KLHDC3: variants seen among roughly 807,000 people sequenced by gnomAD.
KLHDC3 encodes the protein kelch domain containing 3.
Under a neutral mutation model 44.1 loss-of-function variants are expected in KLHDC3, and 5 were observed. That is an observed-to-expected ratio of 0.11 (90% confidence interval 0.06 to 0.24). The LOEUF (loss-of-function observed/expected upper bound fraction) is 0.24. Among genes scored for constraint, KLHDC3 ranks in the 10% least tolerant of loss-of-function variants. The probability of loss-of-function intolerance (pLI) is 1.00; values close to 1 mark genes in which losing one functional copy is unlikely to be tolerated. For synonymous variants in KLHDC3, 170 were observed against 189.0 expected (o/e 0.90, Z 0.82); for missense variants, 247 against 514.3 (o/e 0.48, Z 5.03).
chr6:43,019,352 G>A lies in KLHDC3; in HGVS notation c.1068G>A (p.Leu356=), dbSNP rs374842978. The change falls in exon 10 of 11, where the codon TTG becomes TTA. Residue 356 remains leucine, a synonymous_variant. Transcript: ENST00000326974. ...VIQYNLDQSC[L]PHDIRWELNA... Reference sequence around the variant, plus strand: ...AGTATAACCTAGACCAGTCCTGTTTGCCTCATGATATCAGGTACAGCGAGT... The same window carrying A: ...AGTATAACCTAGACCAGTCCTGTTTACCTCATGATATCAGGTACAGCGAGT... 12 of 1,612,588 alleles carry A rather than the reference G, an allele frequency of 7.4e-6. No homozygotes were observed. The African/African-American group carries it at 1.5e-4, about 20-fold the overall frequency.
In KLHDC3 at chr6:43,018,306, G is replaced by C. The variant is rs896231505; in HGVS notation, c.520-37G>C. 1.3e-6 allele frequency: 2 copies of C among 1,597,278 alleles called. No homozygotes were observed. The highest frequency in any genetic ancestry group is 2.2e-5 in the East Asian group (1 of 44,780). On this transcript the variant is annotated intron_variant, in intron 5 of 10. Transcript: ENST00000326974. The surrounding 1 kb of genome is among the most constrained non-coding windows in gnomAD (Gnocchi z 6.0). ...CAGAGGAGATCCTCTTCCAGTCTTT[G>C]TGCTGACCCCTCCACCATCTCTCTG...
Position 43,019,170 on chromosome 6 carries a change from G to A in KLHDC3, c.1003+5G>A. 1 of 1,602,650 alleles carries A rather than the reference G, an allele frequency of 6.2e-7. No individual in the cohort carries two copies. Among genetic ancestry groups the A allele is most frequent in the Non-Finnish European group, 8.6e-7 (1 of 1,169,528 alleles). On this transcript the variant is annotated splice_donor_5th_base_variant and intron_variant, in intron 9 of 10. Coordinates refer to ENST00000326974, the MANE Select transcript of KLHDC3 (RefSeq NM_057161.4). The stretch of plus-strand genomic sequence containing the variant: ...ACTTACACATTTTGGACTTTAGTAA[G>A]TATAGTTATTCCTGAATTGCTCCTG...
intron 1 of KLHDC3, chr6:43,016,718 A>AGATCC (rs1216806721): frequency 6.1e-6 from 1 of 163,486 alleles, no homozygotes; most frequent in Non-Finnish European, 1.3e-5. Context: ...GAGTATTTTG[A>AGATCC]GATCCCTTTC....
chr6:43,016,957 CG>C, intron 1 of KLHDC3, 176 bp from the exon 2 acceptor site: 1 of 560,150 alleles, frequency 1.8e-6, no homozygotes, highest in Non-Finnish European at 3.2e-6. Flanking sequence ...TCCCTGACCT[CG>C]GCAGCTCCCT....
rs1423731507 is a variant in KLHDC3, at chr6:43,018,486, C to T, written c.663C>T (p.Thr221=). The change falls in exon 6 of 11, where the codon ACC becomes ACT. Residue 221 remains threonine (T), a synonymous_variant. Transcript: ENST00000326974. This position sits in a 1 kb window ranked among gnomAD's most constrained non-coding sequence, Gnocchi z 6.0. ...IYCNRIRVFD[T]RTEAWLDCPP... is the part of the protein sequence containing the mutation. The stretch of plus-strand genomic sequence containing the variant: ...GCAACCGCATTCGAGTCTTTGACAC[C>T]AGAACTGAGGCTTGGCTGGACTGTC... 1.2e-6 allele frequency: 2 copies of T among 1,614,160 alleles called. No homozygotes were observed. Among genetic ancestry groups the T allele is most frequent in the Admixed American group, 3.3e-5 (2 of 60,022 alleles).
Position 43,021,078 on chromosome 6 carries a change from A to G in KLHDC3, c.*345A>G, listed in dbSNP as rs775709867. 11 of 495,050 alleles carry G rather than the reference A, an allele frequency of 2.2e-5. No individual in the cohort carries two copies. The highest frequency in any genetic ancestry group is 6.2e-5 in the South Asian group (4 of 64,944). 30.7% of individuals were successfully genotyped at this position (495,050 alleles called of 1,614,324 possible). On this transcript the variant is annotated 3_prime_UTR_variant, in exon 11 of 11. Coordinates refer to ENST00000326974, the MANE Select transcript of KLHDC3 (RefSeq NM_057161.4). ...AAGCAAGCAGTGTCTGAGCCTCAGG[A>G]GCTTCCCCCTCCCCCTTTGCCTATC...
At chr6:43,014,614 A>C in intron 1 of KLHDC3, 1 of 457,196 alleles carries the variant, frequency 2.2e-6, no homozygotes, top group Non-Finnish European at 4.4e-6. Context: ...GAAGCTGAGC[A>C]TAATGGAAGG....
At position 43,017,674 on chromosome 6, in the gene KLHDC3, G is replaced by A; in HGVS notation, c.310G>A (p.Val104Met). ...GRNDTEGACN[V>M]LYAFDVNTHK... ...GAATGACACCGAAGGGGCCTGCAAT[G>A]TGCTCTATGCCTTTGACGTCAGTGA... Residue 104 changes from valine to methionine, a missense_variant, in exon 3 of 11, where the codon GTG (valine) becomes ATG (methionine). Val to Met is a conservative substitution (Grantham distance 21). Coordinates refer to ENST00000326974, the MANE Select transcript of KLHDC3 (RefSeq NM_057161.4). The surrounding 1 kb of genome is among the most constrained non-coding windows in gnomAD (Gnocchi z 6.0). 6.2e-7 allele frequency: 1 copy of A among 1,613,128 alleles called. No individual in the cohort carries two copies. The highest frequency in any genetic ancestry group is 1.1e-5 in the South Asian group (1 of 90,934).
intron 1 of KLHDC3, among the ~76,000 whole-genome samples, chr6:43,016,192 C>T (rs915209776): frequency 6.6e-6 from 1 of 152,124 alleles, no homozygotes; most frequent in African/African-American, 2.4e-5. Flanking sequence ...CTCGGCCTCT[C>T]AGGGTGCTGG....
In KLHDC3 at chr6:43,014,967, G is replaced by T. The variant is rs78425469; in HGVS notation, c.-60+619G>T. On this transcript the variant is annotated intron_variant, in intron 1 of 10. Coordinates refer to ENST00000326974, the MANE Select transcript of KLHDC3 (RefSeq NM_057161.4). ...CCAGGGATAAGAGGAGCCCCTGAGC[G>T]CCTGGGGGCTTGTTCTCCTTGAATT... is the stretch of plus-strand genomic sequence containing the variant. Among the ~76,000 whole-genome samples the T allele has an allele frequency of 7.5e-3, 1,146 of 152,298 alleles. 16 individuals carry two copies. Among genetic ancestry groups the T allele is most frequent in the African/African-American group, 0.026 (1,095 of 41,548 alleles).
Position 43,017,681 on chromosome 6 carries a change from A to G in KLHDC3, c.317A>G (p.Tyr106Cys). The G allele has an allele frequency of 6.2e-7, 1 of 1,612,354 alleles. No homozygotes were observed. Residue 106 changes from tyrosine to cysteine, a missense_variant, in exon 3 of 11, where the codon TAT becomes TGT. This residue lies in a region of KLHDC3 where 176 missense variants were observed against 413.5 expected (regional missense o/e 0.43). Transcript: ENST00000326974. This position sits in a 1 kb window ranked among gnomAD's most constrained non-coding sequence, Gnocchi z 6.0. ...ACCGAAGGGGCCTGCAATGTGCTCT[A>G]TGCCTTTGACGTCAGTGAGTATGGA... Reference protein sequence around the residue: ...NDTEGACNVLYAFDVNTHKWF... With the variant: ...NDTEGACNVLCAFDVNTHKWF...
At chr6:43,014,853 T>TA (rs2150289406) in intron 1 of KLHDC3, among the ~76,000 whole-genome samples, 1 of 151,842 alleles carries the variant, frequency 6.6e-6, no homozygotes, top group African/African-American at 2.4e-5. Context: ...AAATGGGGAA[T>TA]AAAAAATGCA....
rs780930534 is a variant in KLHDC3 at position 43,019,320 on chromosome 6, G to T, written c.1036G>T (p.Val346Leu). The change falls in exon 10 of 11, where the codon GTG becomes TTG. Residue 346 changes from valine to leucine, a missense_variant. This residue lies in a region of KLHDC3 where 176 missense variants were observed against 413.5 expected (regional missense o/e 0.43). Transcript: ENST00000326974. ...PSLKTLCKLAVIQYNLDQSCL... is the reference protein window; with the variant it reads ...PSLKTLCKLALIQYNLDQSCL... Reference sequence around the variant, plus strand: ...TCTGAAGACTCTGTGCAAACTGGCCGTGATTCAGTATAACCTAGACCAGTC... The same window carrying T: ...TCTGAAGACTCTGTGCAAACTGGCCTTGATTCAGTATAACCTAGACCAGTC... 1.2e-6 allele frequency: 2 copies of T among 1,613,862 alleles called. No individual in the cohort carries two copies. The highest frequency in any genetic ancestry group is 1.7e-6 in the Non-Finnish European group (2 of 1,179,788).
rs1394457585 is a variant in KLHDC3, at chr6:43,018,356, G to A, written c.533G>A (p.Arg178His). ...GCCTCTGCCCAGGGCAGCCCTGCAC[G>A]CTGGAGGGACTTCCACTCAGCCACA... is the stretch of plus-strand genomic sequence containing the variant. ...TLICTKGSPA[R>H]WRDFHSATML... Residue 178 changes from arginine (R) to histidine (H), a missense_variant, in exon 6 of 11, where the codon CGC becomes CAC. Arg to His is a conservative substitution (Grantham distance 29). Transcript: ENST00000326974. The surrounding 1 kb of genome is among the most constrained non-coding windows in gnomAD (Gnocchi z 6.0). 1 of 1,613,460 alleles carries A rather than the reference G, an allele frequency of 6.2e-7. No homozygotes were observed. The highest frequency in any genetic ancestry group is 1.3e-5 in the African/African-American group (1 of 74,906).
In KLHDC3 at chr6:43,018,946, A is replaced by G. The variant is rs138283385; in HGVS notation, c.904A>G (p.Lys302Glu). ...CCAGTGCTGCTGTATTGTTGGTGAC[A>G]AGATTGTCCTCTTTGGGGGTACCAG... is the stretch of plus-strand genomic sequence containing the variant. ...RRQCCCIVGD[K>E]IVLFGGTSPS... The change falls in exon 8 of 11, where the codon AAG (lysine) becomes GAG (glutamate). Residue 302 changes from lysine to glutamate, a missense_variant. Physicochemically the swap from Lys to Glu is moderately conservative, Grantham distance 56. Transcript: ENST00000326974. The surrounding 1 kb of genome is among the most constrained non-coding windows in gnomAD (Gnocchi z 6.0). 6.2e-7 allele frequency: 1 copy of G among 1,612,082 alleles called. No homozygotes were observed. Among genetic ancestry groups the G allele is most frequent in the South Asian group, 1.1e-5 (1 of 90,946 alleles).
Position 43,014,257 on chromosome 6 carries a change from CGTT to C in KLHDC3, c.-149_-147del. On this transcript the variant is annotated 5_prime_UTR_variant, in exon 1 of 11. Coordinates refer to ENST00000326974, the MANE Select transcript of KLHDC3 (RefSeq NM_057161.4). ...GAACCGAGCTTGGCTGTGTTTATCT[CGTT>C]GGGGACTAAGGCGTCGGTTGGCGCG... 1 of 964,980 alleles carries C rather than the reference CGTT, an allele frequency of 1.0e-6. No individual in the cohort carries two copies. Among genetic ancestry groups the C allele is most frequent in the Non-Finnish European group, 1.5e-6 (1 of 673,626 alleles). 59.8% of individuals were successfully genotyped at this position (964,980 alleles called of 1,614,324 possible).
chr6:43,017,831 G>T lies in KLHDC3; in HGVS notation c.332-22G>T. 1 of 1,605,626 alleles carries T rather than the reference G, an allele frequency of 6.2e-7. No individual in the cohort carries two copies. Among genetic ancestry groups the T allele is most frequent in the East Asian group, 2.2e-5 (1 of 44,830 alleles). Reference sequence around the variant, plus strand: ...ACTGTCATAGAGGGTGCTTAGTTGAGCCATTTTCTCATCTCCTTCAGATAC... The same window carrying T: ...ACTGTCATAGAGGGTGCTTAGTTGATCCATTTTCTCATCTCCTTCAGATAC... On this transcript the variant is annotated intron_variant, in intron 3 of 10. Transcript: ENST00000326974. This position sits in a 1 kb window ranked among gnomAD's most constrained non-coding sequence, Gnocchi z 6.0.
rs1168146114 is a variant in KLHDC3 at position 43,017,634 on chromosome 6, C to T, written c.270C>T (p.Leu90=). 1 of 1,614,110 alleles carries T rather than the reference C, an allele frequency of 6.2e-7. No homozygotes were observed. The highest frequency in any genetic ancestry group is 8.5e-7 in the Non-Finnish European group (1 of 1,179,996). The change falls in exon 3 of 11, where the codon CTC becomes CTT. Residue 90 remains leucine, a synonymous_variant. Coordinates refer to ENST00000326974, the MANE Select transcript of KLHDC3 (RefSeq NM_057161.4). This position sits in a 1 kb window ranked among gnomAD's most constrained non-coding sequence, Gnocchi z 6.0. The stretch of plus-strand genomic sequence containing the variant: ...CCGTCCTCATCGACGACACAGTCCT[C>T]CTTTGGGGCGGGCGGAATGACACCG... ...HSTVLIDDTV[L]LWGGRNDTEG...
intron 10 of KLHDC3, among the ~76,000 whole-genome samples, chr6:43,020,442 C>T (rs950115422): frequency 6.6e-6 from 1 of 151,958 alleles, no homozygotes; most frequent in Non-Finnish European, 1.5e-5. Flanking sequence ...AAACATAAAC[C>T]GGAAATCCAT....
Sources: gnomAD v4.1 joint callset for allele counts (sites outside exome capture counted in the v4.1 genomes callset) on GRCh38, gnomAD v4.1.1 for gene constraint, gnomAD v4.1.1 regional missense constraint, Gnocchi (gnomAD v3.1) non-coding constraint, MANE v1.5 for transcripts, NCBI Gene and HGNC (gene_info 2026-07-23, HGNC 2026-07-21) for gene names.